The following ANK3 variants were observed in gnomAD, a reference collection of about 807,000 sequenced individuals.
ANK3 encodes the protein ankyrin 3, also known as ankyrin-3.
A neutral mutation model predicts 370.9 loss-of-function variants in ANK3; 57 were observed. The ratio of observed to expected loss-of-function variants is 0.15; its 90% CI spans 0.12 to 0.19. ANK3 has a LOEUF of 0.19. Among genes scored for constraint, ANK3 ranks in the 10% least tolerant of loss-of-function variants. The pLI, the probability that ANK3 is intolerant of heterozygous loss-of-function variation, is 1.00. For synonymous variants in ANK3, 1,929 were observed against 1,946.3 expected, an observed-to-expected ratio of 0.99 and a Z score of 0.23; for missense variants, 4,439 against 5,302.1, an observed-to-expected ratio of 0.84 and a Z score of 5.06.
At chr10:60,555,753 G>A (rs2077192329) in intron 2 of ANK3, among the ~76,000 whole-genome samples, 1 of 152,036 alleles carries the variant, frequency 6.6e-6, no homozygotes, top group African/African-American at 2.4e-5. Flanking sequence ...ATAAGGTTGG[G>A]TACCAGCAAA....
At chr10:60,059,119 T>G (rs974152972) in intron 41 of ANK3, among the ~76,000 whole-genome samples, 1 of 152,224 alleles carries the variant, frequency 6.6e-6, no homozygotes, top group African/African-American at 2.4e-5. Context: ...TGGGCATGTA[T>G]GTAAATTTTC....
chr10:60,067,270 A>T (rs1589490045), intron 38 of ANK3, among the ~76,000 whole-genome samples: 1 of 152,144 alleles, frequency 6.6e-6, no homozygotes, highest in Non-Finnish European at 1.5e-5. Context: ...AATCACATTT[A>T]AAAATTTTTA....
At chr10:60,174,335 T>C (rs1029733664) in intron 18 of ANK3, among the ~76,000 whole-genome samples, 1 of 152,136 alleles carries the variant, frequency 6.6e-6, no homozygotes, top group Non-Finnish European at 1.5e-5. Context: ...TAACCACATA[T>C]AGGAAACTGA....
chr10:60,728,063 A>G (rs1337176771), intron 1 of ANK3, among the ~76,000 whole-genome samples: 1 of 152,192 alleles, frequency 6.6e-6, no homozygotes, highest in African/African-American at 2.4e-5. Context: ...TGGTAACTTG[A>G]AATCAGCCAT....
intron 2 of ANK3, among the ~76,000 whole-genome samples, chr10:60,600,109 C>T (rs1240637843): frequency 6.6e-6 from 1 of 152,164 alleles, no homozygotes; most frequent in African/African-American, 2.4e-5. Context: ...ATATAGGTAG[C>T]AAACAATATT....
At chr10:60,378,255 A>G (rs1296338382) in intron 1 of ANK3, among the ~76,000 whole-genome samples, 1 of 152,200 alleles carries the variant, frequency 6.6e-6, no homozygotes, top group Non-Finnish European at 1.5e-5. Context: ...TTACCATTCT[A>G]CAAATTGCAT....
intron 2 of ANK3, among the ~76,000 whole-genome samples, chr10:60,460,790 T>C (rs529677516): frequency 2.0e-5 from 3 of 152,260 alleles, no homozygotes; most frequent in Non-Finnish European, 4.4e-5. Context: ...GACAGAACCA[T>C]AAATTTAAAA....
At chr10:60,691,512 C>T (rs1355192633) in intron 1 of ANK3, among the ~76,000 whole-genome samples, 4 of 152,112 alleles carry the variant, frequency 2.6e-5, no homozygotes, top group African/African-American at 4.8e-5. Flanking sequence ...ATCCACTAAA[C>T]GTTTGCCACT....
intron 7 of ANK3, among the ~76,000 whole-genome samples, chr10:60,256,535 C>A (rs1291713669): frequency 6.6e-6 from 1 of 152,176 alleles, no homozygotes; most frequent in East Asian, 1.9e-4. Flanking sequence ...AGGTTTGTTA[C>A]GTGGGTATAT....
chr10:60,075,861 G>A lies in ANK3; in HGVS notation c.5020C>T (p.Pro1674Ser). Residue 1674 changes from proline to serine, a missense_variant, in exon 37 of 44, where the codon CCT becomes TCT. Physicochemically the swap from Pro to Ser is moderately conservative, Grantham distance 74. Around this residue, in one of 13 missense-constraint regions of ANK3, gnomAD observed 679 missense variants for 791.0 expected, o/e 0.86. Transcript: ENST00000280772. ...ACTGGAGACACCACTGACTTTAAAG[G>A]TGAAGATATTAGCGGTGCTGCTGAT... ...ITSAAPLISS[P>S]LKSVVSPVKS... The A allele has an allele frequency of 6.2e-7, 1 of 1,614,150 alleles. No homozygotes were observed. The highest frequency in any genetic ancestry group is 8.5e-7 in the Non-Finnish European group (1 of 1,180,000).
intron 2 of ANK3, among the ~76,000 whole-genome samples, chr10:60,405,992 AT>A (rs1420799258): frequency 1.3e-5 from 2 of 152,138 alleles, no homozygotes; most frequent in African/African-American, 4.8e-5. Flanking sequence ...AACAGGTTAC[AT>A]TTTTGTAACA....
At chr10:60,087,923 CAACT>C (rs1478913648) in intron 29 of ANK3, among the ~76,000 whole-genome samples, 3 of 151,994 alleles carry the variant, frequency 2.0e-5, no homozygotes, top group Admixed American at 1.3e-4. Flanking sequence ...CATCAGAAAC[CAACT>C]GAGACTTTTA....
chr10:60,306,547 G>A (rs1211061541), intron 1 of ANK3, among the ~76,000 whole-genome samples: 4 of 151,902 alleles, frequency 2.6e-5, no homozygotes, highest in Admixed American at 2.6e-4. Context: ...GTGTGTGCAT[G>A]TCTTTTTCAT....
intron 10 of ANK3, among the ~76,000 whole-genome samples, chr10:60,207,754 G>A (rs1019586048): frequency 1.3e-5 from 2 of 152,082 alleles, no homozygotes; most frequent in East Asian, 1.9e-4. Context: ...ATAAGACGAC[G>A]TTGGCCACCT....
intron 2 of ANK3, among the ~76,000 whole-genome samples, chr10:60,578,300 C>A (rs2077707153): frequency 6.6e-6 from 1 of 152,128 alleles, no homozygotes; most frequent in Middle Eastern, 3.2e-3. Context: ...CTTCCTTGAA[C>A]CTTTGCATTT....
intron 2 of ANK3, among the ~76,000 whole-genome samples, chr10:60,476,516 T>C (rs2075069126): frequency 6.6e-6 from 1 of 152,186 alleles, no homozygotes; most frequent in Non-Finnish European, 1.5e-5. Context: ...TAGAAAACTA[T>C]AAGCTCCTAC....
rs2088771333 is a variant in ANK3 at position 60,092,324 on chromosome 10, A to T, written c.3329-3966T>A. Among the ~76,000 whole-genome samples the T allele has an allele frequency of 6.6e-5, 10 of 152,106 alleles. No homozygotes were observed. In the South Asian group the frequency reaches 2.1e-3, roughly 32 times the overall value. ...GTCCCCCTGTCCCTTCACTATTAAC[A>T]TTTCTGCCTCCTTTATCAGATACGT... On this transcript the variant is annotated intron_variant, in intron 28 of 43. Coordinates refer to ENST00000280772, the MANE Select transcript of ANK3 (RefSeq NM_020987.5).
intron 2 of ANK3, among the ~76,000 whole-genome samples, chr10:60,601,175 A>G (rs72811821): frequency 2.0e-3 from 290 of 147,730 alleles, no homozygotes; most frequent in African/African-American, 2.9e-3. Flanking sequence ...TATACAACGC[A>G]CACACACACA....
chr10:60,404,709 T>A (rs1222214257), intron 2 of ANK3, among the ~76,000 whole-genome samples: 4 of 151,782 alleles, frequency 2.6e-5, no homozygotes, highest in South Asian at 2.1e-4. Flanking sequence ...TTACAAAATT[T>A]AAAAAAAAGT....
Sources: gnomAD v4.1 joint callset for allele counts (sites outside exome capture counted in the v4.1 genomes callset) on GRCh38, gnomAD v4.1.1 for gene constraint, gnomAD v4.1.1 regional missense constraint, MANE v1.5 for transcripts, NCBI Gene and HGNC (gene_info 2026-07-23, HGNC 2026-07-21) for gene names.